ZNF81: variants seen among roughly 807,000 people sequenced by gnomAD.
The protein encoded by ZNF81 is zinc finger protein 81, also known as zinc finger protein 81 (HFZ20).
A neutral mutation model predicts 32.3 loss-of-function variants in ZNF81; 5 were observed. The ratio of observed to expected loss-of-function variants is 0.15; its 90% confidence interval spans 0.08 to 0.33. The LOEUF (loss-of-function observed/expected upper bound fraction) is 0.33. Among genes scored for constraint, ZNF81 ranks in the 10% least tolerant of loss-of-function variants. The pLI is 1.00. For missense variants in ZNF81, 379 were observed against 479.8 expected, an observed-to-expected ratio of 0.79 and a Z score of 1.96; for synonymous variants, 163 against 166.8, an observed-to-expected ratio of 0.98 and a Z score of 0.17.
chrX:47,854,541 G>A (rs2058508185), intron 2 of ZNF81, among the ~76,000 whole-genome samples: 1 of 111,690 alleles, frequency 9.0e-6, no homozygotes. Context: ...TAAAGGGAGA[G>A]ACATGTGACT....
In ZNF81 at chrX:47,841,489, TCGTCTGAGA is replaced by T. The variant is rs2058449045; in HGVS notation, c.-164+4505_-164+4513del. The T allele has an allele frequency of 5.8e-6, 6 of 1,029,081 alleles. No individual in the cohort carries two copies. In the East Asian group the frequency reaches 1.8e-4, roughly 31 times the overall value. 84.8% of individuals were successfully genotyped at this position (1,029,081 alleles called of 1,213,427 possible). A position where few individuals can be genotyped will look rare whatever the true frequency, so the allele number is the denominator to read the frequency against. ...CCAAGGCATGAGGTTTCACTTCTAG[TCGTCTGAGA>T]CGCACCTTGTCACGTTTCTGCCGCC... On this transcript the variant is annotated intron_variant, in intron 1 of 4. Coordinates refer to ENST00000338637, the MANE Select transcript of ZNF81 (RefSeq NM_007137.5).
intron 4 of ZNF81, among the ~76,000 whole-genome samples, chrX:47,913,041 C>G (rs1275699227): frequency 1.8e-5 from 2 of 111,045 alleles, no homozygotes; most frequent in Non-Finnish European, 3.8e-5. Context: ...TCCAAGAAAA[C>G]AATTACATCT....
rs1199758862 is a variant in ZNF81, at chrX:47,921,531, T to C, written c.*4899T>C. The stretch of plus-strand genomic sequence containing the variant: ...CAGTCTCTGAGATGACCCTGAATGA[T>C]CCCCACCTCCTGGTATTCTCACTCT... On this transcript the variant is annotated 3_prime_UTR_variant, in exon 5 of 5. Transcript: ENST00000338637. 9.0e-6 allele frequency: 1 copy of C among 111,011 alleles called. No individual in the cohort carries two copies. The highest frequency in any genetic ancestry group is 1.9e-5 in the Non-Finnish European group (1 of 53,010). 9.1% of individuals were successfully genotyped at this position (111,011 alleles called of 1,213,427 possible). A position where few individuals can be genotyped will look rare whatever the true frequency, so the allele number is the denominator to read the frequency against.
chrX:47,894,940 CA>C (rs1295487675), intron 3 of ZNF81, among the ~76,000 whole-genome samples: 2 of 111,605 alleles, frequency 1.8e-5, no homozygotes, highest in Non-Finnish European at 3.8e-5. Context: ...CTCTCTCATC[CA>C]TAACTTATTT....
In ZNF81 at chrX:47,917,461, A is replaced by G. The variant is rs2058761450; in HGVS notation, c.*829A>G. 1 of 285,195 alleles carries G rather than the reference A, an allele frequency of 3.5e-6. No homozygotes were observed. Among genetic ancestry groups the G allele is most frequent in the South Asian group, 2.4e-4 (1 of 4,219 alleles). The allele number at this position is 285,195 out of a possible 1,213,427, so 23.5% of individuals were successfully genotyped here. A position where few individuals can be genotyped will look rare whatever the true frequency, so the allele number is the denominator to read the frequency against. On this transcript the variant is annotated 3_prime_UTR_variant, in exon 5 of 5. Transcript: ENST00000338637. ...ACGTGACTTTCTTTGGCCAATGGAA[A>G]TTAGCAAAGAGAATCAATAAGAAGC...
At chrX:47,908,977 A>G (rs781925690) in intron 4 of ZNF81, among the ~76,000 whole-genome samples, 1 of 111,949 alleles carries the variant, frequency 8.9e-6, no homozygotes, top group East Asian at 2.8e-4. Context: ...CTTTCATCTG[A>G]GTTGTGGTTA....
chrX:47,845,676 C>G (rs2058467461), intron 1 of ZNF81, among the ~76,000 whole-genome samples: 1 of 111,849 alleles, frequency 8.9e-6, no homozygotes, highest in Non-Finnish European at 1.9e-5. Flanking sequence ...TAACAACACA[C>G]AGATGAAAGG....
intron 2 of ZNF81, among the ~76,000 whole-genome samples, chrX:47,876,514 T>G (rs1428250484): frequency 4.5e-5 from 5 of 111,981 alleles, no homozygotes. Flanking sequence ...GATGCAGATA[T>G]AAGCCTGAGA....
At chrX:47,841,796 A>AT (rs1174906665) in intron 1 of ZNF81, 1 of 367,166 alleles carries the variant, frequency 2.7e-6, no homozygotes, top group Non-Finnish European at 4.6e-6. Flanking sequence ...GGATTTATTT[A>AT]TTTTTTCTAT....
intron 4 of ZNF81, among the ~76,000 whole-genome samples, chrX:47,899,963 T>C (rs1313589435): frequency 1.8e-5 from 2 of 111,505 alleles, no homozygotes; most frequent in Admixed American, 9.6e-5. Context: ...TATGTTCAGT[T>C]GTTGATGGGT....
chrX:47,854,992 G>A (rs868906293), intron 2 of ZNF81, among the ~76,000 whole-genome samples: 1 of 109,415 alleles, frequency 9.1e-6, no homozygotes, highest in Non-Finnish European at 1.9e-5. Context: ...CTACTCGGGA[G>A]GCTGAAGCAG....
chrX:47,863,203 CA>C (rs1299620399), intron 2 of ZNF81, among the ~76,000 whole-genome samples: 1 of 111,351 alleles, frequency 9.0e-6, no homozygotes, highest in African/African-American at 3.3e-5. Flanking sequence ...TGGTGGAATT[CA>C]ACATTGTCAG....
Position 47,915,162 on chromosome X carries a change from T to A in ZNF81, c.516T>A (p.Phe172Leu). Reference sequence around the variant, plus strand: ...AGTGGGATTATGAATATAAAGACTTTGGAAAATTTGTTCATCCAAGCCCAA... The same window carrying A: ...AGTGGGATTATGAATATAAAGACTTAGGAAAATTTGTTCATCCAAGCCCAA... Reference protein sequence around the residue: ...NTEWDYEYKDFGKFVHPSPNL... With the variant: ...NTEWDYEYKDLGKFVHPSPNL... Residue 172 changes from phenylalanine (F) to leucine (L), a missense_variant, in exon 5 of 5, where the codon TTT becomes TTA. Physicochemically the swap from Phe to Leu is conservative, Grantham distance 22. Transcript: ENST00000338637. The A allele has an allele frequency of 8.3e-7, 1 of 1,200,202 alleles. No homozygotes were observed. The highest frequency in any genetic ancestry group is 1.1e-6 in the Non-Finnish European group (1 of 890,701).
At chrX:47,837,131 C>A (rs1487991390) in intron 1 of ZNF81, 144 bp downstream of exon 1, 1 of 120,808 alleles carries the variant, frequency 8.3e-6, no homozygotes, top group Admixed American at 8.2e-5. Context: ...TCTTAAAGTT[C>A]ATTCTAAGCC....
At chrX:47,843,132 G>A (rs1292306891) in intron 1 of ZNF81, among the ~76,000 whole-genome samples, 1 of 111,130 alleles carries the variant, frequency 9.0e-6, no homozygotes, top group Non-Finnish European at 1.9e-5. Flanking sequence ...ATGGTTTTAA[G>A]GCTCTTCCAT....
chrX:47,902,469 T>C (rs2058701985), intron 4 of ZNF81, among the ~76,000 whole-genome samples: 1 of 111,620 alleles, frequency 9.0e-6, no homozygotes, highest in Admixed American at 9.5e-5. Context: ...TCGACATACA[T>C]AGGTTACTAC....
intron 4 of ZNF81, among the ~76,000 whole-genome samples, chrX:47,905,571 G>A (rs1380283705): frequency 1.2e-4 from 13 of 109,945 alleles, no homozygotes; most frequent in African/African-American, 4.0e-4. Flanking sequence ...TTTCACCATG[G>A]CCACTGCTTC....
At chrX:47,910,999 C>A in intron 4 of ZNF81, among the ~76,000 whole-genome samples, 1 of 110,919 alleles carries the variant, frequency 9.0e-6, no homozygotes, top group South Asian at 3.8e-4. Context: ...TATTCTGTTC[C>A]TAATGGAAGC....
chrX:47,881,025 C>T (rs2058618868), intron 2 of ZNF81, among the ~76,000 whole-genome samples: 1 of 111,579 alleles, frequency 9.0e-6, no homozygotes, highest in Non-Finnish European at 1.9e-5. Flanking sequence ...AGTTCCATTC[C>T]TGTGATAACC....
Sources: gnomAD v4.1 joint callset for allele counts (sites outside exome capture counted in the v4.1 genomes callset) on GRCh38, gnomAD v4.1.1 for gene constraint, MANE v1.5 for transcripts, NCBI Gene and HGNC (gene_info 2026-07-23, HGNC 2026-07-21) for gene names.